The following CCDC157 variants were observed in gnomAD, a reference collection of about 807,000 sequenced individuals.
CCDC157 encodes coiled-coil domain containing 157.
In CCDC157, 60 loss-of-function variants were observed where a neutral mutation model predicts 70.9. The ratio of observed to expected loss-of-function variants is 0.85; its 90% CI spans 0.69 to 1.05. The LOEUF is 1.05. CCDC157 is among the 50% of genes least tolerant of loss of function. The pLI, the probability that CCDC157 is intolerant of heterozygous loss-of-function variation, is 0.00. For missense variants in CCDC157, 943 were observed against 984.2 expected (o/e 0.96, Z 0.56); for synonymous variants, 373 against 422.4 (o/e 0.88, Z 1.43).
rs770977959 is a variant in CCDC157, at chr22:30,375,625, T to A, written c.1819T>A (p.Ser607Thr). Residue 607 changes from serine (S) to threonine (T), a missense_variant, in exon 10 of 12, where the codon TCC becomes ACC. Ser to Thr is a moderately conservative substitution (Grantham distance 58). Coordinates refer to ENST00000338306, the MANE Select transcript of CCDC157 (RefSeq NM_001017437.5). ...EENGRLQSMLSKIREVAQQGG... is the reference protein window; with the variant it reads ...EENGRLQSMLTKIREVAQQGG... ...GAACGGGCGGCTCCAATCAATGCTG[T>A]CCAAAATCCGGGAAGTGGCCCAGCA... is the stretch of plus-strand genomic sequence containing the variant. The A allele has an allele frequency of 3.7e-6, 6 of 1,613,758 alleles. No homozygotes were observed. Among genetic ancestry groups the A allele is most frequent in the Non-Finnish European group, 5.1e-6 (6 of 1,179,964 alleles).
Position 30,370,833 on chromosome 22 carries a change from C to G in CCDC157, c.928C>G (p.Gln310Glu), listed in dbSNP as rs1569189166. 6.2e-7 allele frequency: 1 copy of G among 1,612,858 alleles called. No homozygotes were observed. Among genetic ancestry groups the G allele is most frequent in the African/African-American group, 1.3e-5 (1 of 75,052 alleles). ...AGGGCAGAAGGATGGCCTGAGGAAGCAGGCGGGCAAGCTGGAGCAGGCGCT... is the reference window on the plus strand; with the variant it reads ...AGGGCAGAAGGATGGCCTGAGGAAGGAGGCGGGCAAGCTGGAGCAGGCGCT... ...AEGQKDGLRK[Q>E]AGKLEQALKQ... Residue 310 changes from glutamine to glutamate, a missense_variant, in exon 5 of 12, where the codon CAG becomes GAG. By Grantham distance (29) the Gln-to-Glu change is conservative. Coordinates refer to ENST00000338306, the MANE Select transcript of CCDC157 (RefSeq NM_001017437.5).
intron 1 of CCDC157, among the ~76,000 whole-genome samples, chr22:30,358,923 G>A (rs1228151070): frequency 6.6e-6 from 1 of 152,218 alleles, no homozygotes; most frequent in Non-Finnish European, 1.5e-5. Context: ...AACTATGCTT[G>A]TATCTGCATG....
At chr22:30,371,131 C>A in intron 5 of CCDC157, 181 bp downstream of exon 5, 1 of 743,528 alleles carries the variant, frequency 1.3e-6, no homozygotes, top group Non-Finnish European at 2.1e-6. Context: ...GGTGGTGACA[C>A]TGTGATCTCA....
Position 30,359,769 on chromosome 22 carries a change from GTTAAAA to G in CCDC157, c.-165-2186_-165-2181del, listed in dbSNP as rs562733866. Among the ~76,000 whole-genome samples, 125 of 152,314 alleles carry G rather than the reference GTTAAAA, an allele frequency of 8.2e-4. 8 individuals are homozygous for G. The South Asian group carries it at 0.017, about 21-fold the overall frequency. ...TATATTGGGTTAAATAAAATATGCT[GTTAAAA>G]TTAAAGTTAATTGACCTTTATTTTT... is the stretch of plus-strand genomic sequence containing the variant. On this transcript the variant is annotated intron_variant, in intron 1 of 11. Transcript: ENST00000338306.
chr22:30,371,564 C>T (rs982984613), intron 5 of CCDC157, 86 bp from the exon 6 acceptor site: 2 of 1,141,310 alleles, frequency 1.8e-6, no homozygotes, highest in African/African-American at 3.1e-5. Context: ...GATGGGCTGC[C>T]TCCACTCCAC....
At chr22:30,364,909 CTT>C (rs1234274229) in intron 2 of CCDC157, among the ~76,000 whole-genome samples, 1 of 151,590 alleles carries the variant, frequency 6.6e-6, no homozygotes, top group Non-Finnish European at 1.5e-5. Context: ...GTTTTCCTCT[CTT>C]GCACTTTAGA....
intron 4 of CCDC157, 67 bp downstream of exon 4, chr22:30,369,670 A>T: frequency 7.8e-7 from 1 of 1,278,168 alleles, no homozygotes; most frequent in Non-Finnish European, 1.0e-6. Flanking sequence ...GGTGGCCTTC[A>T]CACCTCGCCC....
chr22:30,375,151 G>A (rs1933258794), intron 9 of CCDC157: 1 of 301,326 alleles, frequency 3.3e-6, no homozygotes, highest in Non-Finnish European at 6.4e-6. Flanking sequence ...TAGAGACGGG[G>A]TTTCACCATG....
intron 4 of CCDC157, 167 bp from the exon 5 acceptor site, chr22:30,370,159 A>G (rs1601733669): frequency 8.8e-6 from 7 of 793,724 alleles, no homozygotes; most frequent in Non-Finnish European, 1.4e-5. Flanking sequence ...AGTCAGAGTA[A>G]CAGAGGGAGA....
At chr22:30,360,920 GCCTGTAGTCC>G (rs1281836167) in intron 1 of CCDC157, among the ~76,000 whole-genome samples, 6 of 152,108 alleles carry the variant, frequency 3.9e-5, no homozygotes. Flanking sequence ...GGTGGCACGT[GCCTGTAGTCC>G]CACCTACTCA....
intron 1 of CCDC157, among the ~76,000 whole-genome samples, chr22:30,358,370 G>C (rs1161950348): frequency 6.6e-6 from 1 of 152,242 alleles, no homozygotes; most frequent in Non-Finnish European, 1.5e-5. Context: ...AATGAGGACA[G>C]TGAAGTTTGG....
chr22:30,369,898 T>C (rs1183625917), intron 4 of CCDC157: 2 of 459,362 alleles, frequency 4.4e-6, no homozygotes, highest in Non-Finnish European at 7.7e-6. Context: ...ATGTGACCCC[T>C]GTTTGTTATG....
chr22:30,376,806 GC>G lies in CCDC157; in HGVS notation c.*65del. 6.7e-7 allele frequency: 1 copy of G among 1,499,684 alleles called. No individual in the cohort carries two copies. The highest frequency in any genetic ancestry group is 9.1e-7 in the Non-Finnish European group (1 of 1,100,844). The allele number at this position is 1,499,684 out of a possible 1,614,324, so 92.9% of individuals were successfully genotyped here. ...CTGGCAGCCCACCCACTGTAATAAA[GC>G]CCCAGCCATTGGCCCACAGCAATCT... On this transcript the variant is annotated 3_prime_UTR_variant, in exon 12 of 12. Transcript: ENST00000338306.
rs146587812 is a variant in CCDC157 at position 30,373,616 on chromosome 22, G to A, written c.1355G>A (p.Arg452Gln). 322 of 1,555,332 alleles carry A rather than the reference G, an allele frequency of 2.1e-4. No individual in the cohort carries two copies. The African/African-American group carries it at 3.9e-3, about 19-fold the overall frequency. ...GCTTAGTCTCTGCAGGCCAAGCAGC[G>A]AGCCCTGCTAAAGCAGCTGGACAGC... ...RHQESLQAKQ[R>Q]ALLKQLDSLD... is the part of the protein sequence containing the mutation. Residue 452 changes from arginine (R) to glutamine (Q), a missense_variant, in exon 8 of 12, where the codon CGA becomes CAA. Physicochemically the swap from Arg to Gln is conservative, Grantham distance 43. Transcript: ENST00000338306.
At position 30,370,553 on chromosome 22, in the gene CCDC157, G is replaced by A. The variant is rs200816093; in HGVS notation, c.648G>A (p.Thr216=). 29 of 1,614,050 alleles carry A rather than the reference G, an allele frequency of 1.8e-5. 1 individual carries two copies. Among genetic ancestry groups the A allele is most frequent in the Non-Finnish European group, 2.2e-5 (26 of 1,180,046 alleles). Residue 216 remains threonine, a synonymous_variant, in exon 5 of 12, where the codon ACG becomes ACA. Transcript: ENST00000338306. ...GTGTCCACTCCCAGACCATTGAGAC[G>A]GCCCTGGTGCCCTGTGACGCATGCG... ...TRSVHSQTIE[T]ALVPCDACAS...
At chr22:30,359,789 A>G (rs1932201813) in intron 1 of CCDC157, among the ~76,000 whole-genome samples, 2 of 152,228 alleles carry the variant, frequency 1.3e-5, no homozygotes, top group East Asian at 1.9e-4. Context: ...AAGTTAATTG[A>G]CCTTTATTTT....
chr22:30,370,567 G>C lies in CCDC157; in HGVS notation c.662G>C (p.Cys221Ser). 1 of 1,614,056 alleles carries C rather than the reference G, an allele frequency of 6.2e-7. No individual in the cohort carries two copies. ...SQTIETALVPCDACASVQGSL... is the reference protein window; with the variant it reads ...SQTIETALVPSDACASVQGSL... ...ACCATTGAGACGGCCCTGGTGCCCT[G>C]TGACGCATGCGCCAGCGTCCAGGGA... Residue 221 changes from cysteine to serine, a missense_variant, in exon 5 of 12, where the codon TGT becomes TCT. Physicochemically the swap from Cys to Ser is moderately radical, Grantham distance 112. Transcript: ENST00000338306.
intron 1 of CCDC157, among the ~76,000 whole-genome samples, chr22:30,360,391 G>C (rs1045368060): frequency 2.0e-5 from 3 of 151,598 alleles, no homozygotes; most frequent in African/African-American, 7.3e-5. Flanking sequence ...TGTAGTCCCA[G>C]CTACTCTGGA....
Position 30,370,761 on chromosome 22 carries a change from C to T in CCDC157, c.856C>T (p.Leu286Phe). 1 of 1,613,618 alleles carries T rather than the reference C, an allele frequency of 6.2e-7. No individual in the cohort carries two copies. The highest frequency in any genetic ancestry group is 1.1e-5 in the South Asian group (1 of 91,084). Residue 286 changes from leucine (L) to phenylalanine (F), a missense_variant, in exon 5 of 12, where the codon CTC becomes TTC. Leu to Phe is a conservative substitution (Grantham distance 22). Coordinates refer to ENST00000338306, the MANE Select transcript of CCDC157 (RefSeq NM_001017437.5). ...AGAGCAGAGGAAAGACCTGACGCGC[C>T]TCAGTAAGCATGTGGAGGCCCTCAG... is the stretch of plus-strand genomic sequence containing the variant. Reference protein sequence around the residue: ...AAEQRKDLTRLSKHVEALRAQ... With the variant: ...AAEQRKDLTRFSKHVEALRAQ...
Sources: gnomAD v4.1 joint callset for allele counts (sites outside exome capture counted in the v4.1 genomes callset) on GRCh38, gnomAD v4.1.1 for gene constraint, MANE v1.5 for transcripts, NCBI Gene and HGNC (gene_info 2026-07-23, HGNC 2026-07-21) for gene names.